SLC26A5: variants seen among roughly 807,000 people sequenced by gnomAD.
The protein encoded by SLC26A5 is prestin.
A neutral mutation model predicts 81.0 loss-of-function variants in SLC26A5; 51 were observed. The observed-to-expected ratio is 0.63, with a 90% CI of 0.50 to 0.80. SLC26A5 has a LOEUF of 0.80. Among genes scored for constraint, SLC26A5 ranks in the 30% least tolerant of loss-of-function variants. The pLI, the probability that SLC26A5 is intolerant of heterozygous loss-of-function variation, is 0.00. For synonymous variants in SLC26A5, 325 were observed against 332.8 expected, an observed-to-expected ratio of 0.98 and a Z score of 0.25; for missense variants, 771 against 905.8, an observed-to-expected ratio of 0.85 and a Z score of 1.91.
chr7:103,397,884 A>C, intron 9 of SLC26A5, 48 bp downstream of exon 9: 1 of 1,332,580 alleles, frequency 7.5e-7, no homozygotes, highest in Non-Finnish European at 1.1e-6. Context: ...GAGGCAATAG[A>C]TCCATTGATT....
At chr7:103,418,750 C>G (rs1300074369) in intron 4 of SLC26A5, among the ~76,000 whole-genome samples, 1 of 152,162 alleles carries the variant, frequency 6.6e-6, no homozygotes, top group African/African-American at 2.4e-5. Flanking sequence ...AGCTGACCTA[C>G]AGCTGTTCAA....
intron 19 of SLC26A5, chr7:103,362,560 A>T: frequency 7.1e-7 from 1 of 1,414,984 alleles, no homozygotes; most frequent in Non-Finnish European, 9.5e-7. Context: ...ATTTCTCTTT[A>T]TATAATTAGG....
intron 19 of SLC26A5, among the ~76,000 whole-genome samples, chr7:103,355,302 G>A (rs1046822292): frequency 9.2e-5 from 14 of 152,130 alleles, no homozygotes; most frequent in African/African-American, 3.4e-4. Flanking sequence ...CTCTTTCCTG[G>A]AACTTTTTGG....
intron 5 of SLC26A5, among the ~76,000 whole-genome samples, chr7:103,411,903 G>T (rs1267326936): frequency 1.3e-5 from 2 of 152,328 alleles, no homozygotes; most frequent in East Asian, 3.9e-4. Context: ...GTAATCAAAA[G>T]AATGCAGCAG....
rs547358457 is a variant in SLC26A5, at chr7:103,413,973, T to C, written c.293-861A>G. Among the ~76,000 whole-genome samples the C allele has an allele frequency of 4.0e-4, 60 of 151,800 alleles. 1 individual carries two copies. The South Asian group carries it at 0.012, about 30-fold the overall frequency. ...ATCTGTTACAAGTGATGAACCTACA[T>C]TGACCTATCACTATCACCCAAAGTC... is the stretch of plus-strand genomic sequence containing the variant. On this transcript the variant is annotated intron_variant, in intron 4 of 19. Coordinates refer to ENST00000306312, the MANE Select transcript of SLC26A5 (RefSeq NM_198999.3).
At chr7:103,432,366 C>T (rs1193257566) in intron 2 of SLC26A5, among the ~76,000 whole-genome samples, 1 of 152,084 alleles carries the variant, frequency 6.6e-6, no homozygotes, top group East Asian at 1.9e-4. Flanking sequence ...TTTGTTGGAG[C>T]TTCTCCTGTC....
chr7:103,396,068 G>T (rs1025027924), intron 9 of SLC26A5, among the ~76,000 whole-genome samples: 1 of 152,166 alleles, frequency 6.6e-6, no homozygotes, highest in Admixed American at 6.6e-5. Flanking sequence ...TAAGGAAATG[G>T]AGGCTTTGAG....
Position 103,378,439 on chromosome 7 carries a change from C to A in SLC26A5, c.1785+7G>T. The A allele has an allele frequency of 6.2e-7, 1 of 1,612,298 alleles. No homozygotes were observed. Among genetic ancestry groups the A allele is most frequent in the Non-Finnish European group, 8.5e-7 (1 of 1,178,346 alleles). ...GAACGGATTATTTCAATGAAAAGACCACTCACTGCTTTGACAACAGTTGCG... is the reference window on the plus strand; with the variant it reads ...GAACGGATTATTTCAATGAAAAGACAACTCACTGCTTTGACAACAGTTGCG... On this transcript the variant is annotated splice_region_variant and intron_variant, in intron 17 of 19. Transcript: ENST00000306312.
At chr7:103,432,693 C>G (rs549697717) in intron 2 of SLC26A5, among the ~76,000 whole-genome samples, 6 of 152,014 alleles carry the variant, frequency 3.9e-5, no homozygotes, top group African/African-American at 1.4e-4. Flanking sequence ...TCTGATTCTT[C>G]TGCTTGTTCT....
intron 19 of SLC26A5, chr7:103,362,787 GCTATGT>G: frequency 7.2e-7 from 1 of 1,390,104 alleles, no homozygotes; most frequent in Non-Finnish European, 1.0e-6. Flanking sequence ...GAAAAGGAAG[GCTATGT>G]CTTTTTTTTT....
rs147602985 is a variant in SLC26A5, at chr7:103,444,734, T to C, written c.-183+1364A>G. ...AATTGGGGCTTCAGGTGTTACCTAA[T>C]AGACTAGAAAGCTTTCCAAGAGTGC... On this transcript the variant is annotated intron_variant, in intron 1 of 19. Transcript: ENST00000306312. Among the ~76,000 whole-genome samples, 479 of 152,322 alleles carry C rather than the reference T, an allele frequency of 3.1e-3. 1 individual carries two copies. The highest frequency in any genetic ancestry group is 4.6e-3 in the Non-Finnish European group (310 of 68,026).
intron 14 of SLC26A5, 104 bp from the exon 15 acceptor site, chr7:103,380,653 G>C: frequency 2.0e-6 from 2 of 988,986 alleles, no homozygotes; most frequent in Non-Finnish European, 3.2e-6. Context: ...TGGTGCATTT[G>C]GGAATGCTTG....
At chr7:103,401,522 T>A (rs148758178) in intron 8 of SLC26A5, among the ~76,000 whole-genome samples, 2,632 of 152,306 alleles carry the variant, frequency 0.017, 86 homozygotes, top group African/African-American at 0.059. Flanking sequence ...ACAATTTGAC[T>A]TCCTCTCTTC....
intron 14 of SLC26A5, among the ~76,000 whole-genome samples, chr7:103,381,499 CACT>C (rs1821785185): frequency 6.6e-6 from 1 of 151,264 alleles, no homozygotes. Context: ...ACAGCACACA[CACT>C]ACATGCCACA....
chr7:103,372,032 T>C (rs1400831936), downstream of SLC26A5, among the ~76,000 whole-genome samples: 1 of 152,210 alleles, frequency 6.6e-6, no homozygotes, highest in African/African-American at 2.4e-5. Context: ...CCTTAAATTC[T>C]ACTTAAATGG....
At position 103,355,495 on chromosome 7, in the gene SLC26A5, G is replaced by A. The variant is rs1277688902; in HGVS notation, c.2042-2569C>T. Among the ~76,000 whole-genome samples, 3 of 131,024 alleles carry A rather than the reference G, an allele frequency of 2.3e-5. No homozygotes were observed. In the Admixed American group the frequency reaches 2.5e-4, roughly 11 times the overall value. The allele number at this position is 131,024 out of a possible 152,430, so 86.0% of individuals were successfully genotyped here. A position where few individuals can be genotyped will look rare whatever the true frequency, so the allele number is the denominator to read the frequency against. On this transcript the variant is annotated intron_variant, in intron 19 of 19. Transcript: ENST00000339444. Reference sequence around the variant, plus strand: ...GCAATGTCTGGAGACATCCTTGATTGTCATGACTTTGAGAGAGGGTGGTGC... The same window carrying A: ...GCAATGTCTGGAGACATCCTTGATTATCATGACTTTGAGAGAGGGTGGTGC...
At chr7:103,408,172 T>C (rs1425490601) in intron 7 of SLC26A5, among the ~76,000 whole-genome samples, 169 bp from the exon 8 acceptor site, 3 of 152,246 alleles carry the variant, frequency 2.0e-5, no homozygotes, top group African/African-American at 4.8e-5. Flanking sequence ...GGAGGCATTT[T>C]TACCCAGTCT....
chr7:103,375,018 G>C (rs1821251950), intron 19 of SLC26A5, among the ~76,000 whole-genome samples: 1 of 145,230 alleles, frequency 6.9e-6, no homozygotes, highest in Non-Finnish European at 1.5e-5. Context: ...GAAAAGTGGG[G>C]AAAAAATATA....
downstream of SLC26A5, among the ~76,000 whole-genome samples, chr7:103,371,516 G>T (rs1216752736): frequency 6.6e-6 from 1 of 151,132 alleles, no homozygotes; most frequent in Non-Finnish European, 1.5e-5. Context: ...TAGCAGAGAC[G>T]GGGTTTCACC....
Sources: gnomAD v4.1 joint callset for allele counts (sites outside exome capture counted in the v4.1 genomes callset) on GRCh38, gnomAD v4.1.1 for gene constraint, MANE v1.5 for transcripts, NCBI Gene and HGNC (gene_info 2026-07-23, HGNC 2026-07-21) for gene names.